LCP2: variants seen among roughly 807,000 people sequenced by gnomAD.
LCP2 encodes the protein 76 kDa tyrosine phosphoprotein.
Under a neutral mutation model 74.5 loss-of-function variants are expected in LCP2, and 29 were observed. That is an observed-to-expected ratio of 0.39 (90% CI 0.29 to 0.53). The LOEUF is 0.53. Ranked by LOEUF, LCP2 falls within the 20% of genes least tolerant of loss-of-function variation. The probability of loss-of-function intolerance (pLI) is 0.72; values close to 1 mark genes in which losing one functional copy is unlikely to be tolerated. For missense variants in LCP2, 604 were observed against 634.6 expected (o/e 0.95, Z 0.52); for synonymous variants, 228 against 229.5 (o/e 0.99, Z 0.06).
At chr5:170,279,106 C>T (rs1230230731) in intron 3 of LCP2, among the ~76,000 whole-genome samples, 2 of 152,138 alleles carry the variant, frequency 1.3e-5, no homozygotes, top group East Asian at 1.9e-4. Flanking sequence ...CCCCTGGCCT[C>T]GCTCAGGACC....
At chr5:170,253,305 A>T in intron 17 of LCP2, 92 bp from the exon 18 acceptor site, 1 of 809,188 alleles carries the variant, frequency 1.2e-6, no homozygotes, top group Non-Finnish European at 2.0e-6. Context: ...ACTCCCCCAA[A>T]AAAATACCCT....
At chr5:170,249,730 T>G (rs1761389895) in intron 20 of LCP2, among the ~76,000 whole-genome samples, 2 of 152,166 alleles carry the variant, frequency 1.3e-5, no homozygotes, top group Non-Finnish European at 2.9e-5. Context: ...CCAGCCTTGA[T>G]TGCTTGCTAG....
At chr5:170,285,265 A>G (rs561985196) in intron 3 of LCP2, among the ~76,000 whole-genome samples, 35 of 152,132 alleles carry the variant, frequency 2.3e-4, no homozygotes, top group South Asian at 2.1e-4. Context: ...CTTATGCCCA[A>G]ATTTAACTTC....
rs115098065 is a variant in LCP2, at chr5:170,256,308, A to G, written c.1150+218T>C. On this transcript the variant is annotated intron_variant, in intron 17 of 20. Coordinates refer to ENST00000046794, the MANE Select transcript of LCP2 (RefSeq NM_005565.5). The surrounding 1 kb of genome is among the most constrained non-coding windows in gnomAD (Gnocchi z 4.5). ...TATGTGCATGTGTGTATGGGCATGT[A>G]TATGTATACGTGTGTGTGTATGTGT... 6.2e-4 allele frequency among the ~76,000 whole-genome samples: 94 copies of G among 152,222 alleles called. No individual in the cohort carries two copies. Among genetic ancestry groups the G allele is most frequent in the African/African-American group, 2.2e-3 (91 of 41,524 alleles).
At chr5:170,264,308 G>T (rs570069526) in intron 10 of LCP2, among the ~76,000 whole-genome samples, 1 of 152,266 alleles carries the variant, frequency 6.6e-6, no homozygotes, top group South Asian at 2.1e-4. Flanking sequence ...TTTCTTCTAC[G>T]TTTTTATTTT....
rs1208069044 is a variant in LCP2, at chr5:170,268,457, G to A, written c.549C>T (p.Pro183=). 1 of 321,518 alleles carries A rather than the reference G, an allele frequency of 3.1e-6. No homozygotes were observed. Among genetic ancestry groups the A allele is most frequent in the Non-Finnish European group, 5.3e-6 (1 of 187,992 alleles). The allele number at this position is 321,518 out of a possible 1,614,324, so 19.9% of individuals were successfully genotyped here. ...YIDRPPSGKT[P]QQPPVPPQRP... The stretch of plus-strand genomic sequence containing the variant: ...TCTGGGGGGGCACAGGAGGCTGCTG[G>A]GGGGTTTTCCCAGAGGGGGGCCGGT... The change falls in exon 8 of 21, where the codon CCC becomes CCT. Residue 183 remains proline (P), a synonymous_variant. Coordinates refer to ENST00000046794, the MANE Select transcript of LCP2 (RefSeq NM_005565.5).
chr5:170,265,298 T>A (rs1223357850), intron 10 of LCP2, among the ~76,000 whole-genome samples: 5 of 152,168 alleles, frequency 3.3e-5, no homozygotes, highest in African/African-American at 1.2e-4. Context: ...AATTTGCCAA[T>A]TTTTGCATAT....
In LCP2 at chr5:170,297,578, C is replaced by T. The variant is rs755056721; in HGVS notation, c.34G>A (p.Val12Ile). ...ALRNVPFRSEVLGWDPDSLAD... is the reference protein window; with the variant it reads ...ALRNVPFRSEILGWDPDSLAD... ...AGGCTGTCGGGGTCCCAGCCCAGGA[C>T]CTCTGAGCGAAAGGGCACATTCCTC... The change falls in exon 1 of 21, where the codon GTC becomes ATC. Residue 12 changes from valine (V) to isoleucine (I), a missense_variant. Transcript: ENST00000046794. 3 of 1,612,924 alleles carry T rather than the reference C, an allele frequency of 1.9e-6. No individual in the cohort carries two copies. The highest frequency in any genetic ancestry group is 1.3e-5 in the African/African-American group (1 of 74,914).
At chr5:170,275,708 G>T in intron 4 of LCP2, 87 bp downstream of exon 4, 1 of 1,165,286 alleles carries the variant, frequency 8.6e-7, no homozygotes, top group Non-Finnish European at 1.3e-6. Context: ...AGATCAAAAA[G>T]TAGGGCAAAA....
intron 1 of LCP2, among the ~76,000 whole-genome samples, 156 bp downstream of exon 1, chr5:170,297,378 G>T (rs374178687): frequency 6.6e-6 from 1 of 152,172 alleles, no homozygotes; most frequent in Non-Finnish European, 1.5e-5. Flanking sequence ...AAAACTCAGC[G>T]GTCTATATGG....
At chr5:170,274,792 TG>T (rs1391831018) in intron 5 of LCP2, among the ~76,000 whole-genome samples, 3 of 151,986 alleles carry the variant, frequency 2.0e-5, no homozygotes, top group African/African-American at 7.2e-5. Context: ...CTGGCTGACA[TG>T]GTGAAACCCC....
At chr5:170,274,473 T>G in intron 5 of LCP2, 135 bp from the exon 6 acceptor site, 1 of 891,582 alleles carries the variant, frequency 1.1e-6, no homozygotes, top group African/African-American at 1.7e-5. Context: ...CCCACACCCC[T>G]GCAGGTTTAG....
In LCP2 at chr5:170,259,457, G is replaced by C. The variant is rs114722983; in HGVS notation, c.958-579C>G. ...ACAACCCTCACCATTTTTATCTTCAGAGCAACCTTGGGAAATTAGACAAGG... is the reference window on the plus strand; with the variant it reads ...ACAACCCTCACCATTTTTATCTTCACAGCAACCTTGGGAAATTAGACAAGG... On this transcript the variant is annotated intron_variant, in intron 14 of 20. Coordinates refer to ENST00000046794, the MANE Select transcript of LCP2 (RefSeq NM_005565.5). 9.5e-3 allele frequency among the ~76,000 whole-genome samples: 1,453 copies of C among 152,188 alleles called. 29 individuals carry two copies. Among genetic ancestry groups the C allele is most frequent in the African/African-American group, 0.033 (1,354 of 41,528 alleles).
Position 170,256,562 on chromosome 5 carries a change from G to A in LCP2, c.1114C>T (p.Pro372Ser), listed in dbSNP as rs1761555642. 1 of 1,612,598 alleles carries A rather than the reference G, an allele frequency of 6.2e-7. No homozygotes were observed. Among genetic ancestry groups the A allele is most frequent in the Non-Finnish European group, 8.5e-7 (1 of 1,178,650 alleles). ...TATGGTGGCAGGGAGGCACTCTGTGGAAAACTGCTGTTACTGAGGAGACAG... is the reference window on the plus strand; with the variant it reads ...TATGGTGGCAGGGAGGCACTCTGTGAAAAACTGCTGTTACTGAGGAGACAG... ...GAFSESNSSF[P>S]QSASLPPYFS... is the part of the protein sequence containing the mutation. The change falls in exon 17 of 21, where the codon CCA (proline) becomes TCA (serine). Residue 372 changes from proline (P) to serine (S), a missense_variant. Pro to Ser is a moderately conservative substitution (Grantham distance 74). Coordinates refer to ENST00000046794, the MANE Select transcript of LCP2 (RefSeq NM_005565.5). This position sits in a 1 kb window ranked among gnomAD's most constrained non-coding sequence, Gnocchi z 4.5.
chr5:170,256,525 C>G lies in LCP2; in HGVS notation c.1150+1G>C. ...ACGTCACAAAAGCCCAGAGTACAAA[C>G]CTTGAGAGAAGTATGGTGGCAGGGA... On this transcript the variant is annotated splice_donor_variant, in intron 17 of 20. Transcript: ENST00000046794. LOFTEE classifies it high-confidence loss of function. This position sits in a 1 kb window ranked among gnomAD's most constrained non-coding sequence, Gnocchi z 4.5. 1 of 1,612,354 alleles carries G rather than the reference C, an allele frequency of 6.2e-7. No individual in the cohort carries two copies. The highest frequency in any genetic ancestry group is 1.7e-5 in the Admixed American group (1 of 60,020).
intron 6 of LCP2, 58 bp from the exon 7 acceptor site, chr5:170,270,975 G>A: frequency 6.9e-7 from 1 of 1,440,452 alleles, no homozygotes; most frequent in Non-Finnish European, 9.4e-7. Flanking sequence ...CCCTCGATGT[G>A]CCTGTGCCTA....
At chr5:170,268,607 C>A (rs366122) in intron 7 of LCP2, 125 bp from the exon 8 acceptor site, 74,064 of 155,728 alleles carry the variant, frequency 0.48, 18,006 homozygotes, top group East Asian at 0.78. Flanking sequence ...CCCACATGAG[C>A]CCCAGCCACG....
chr5:170,254,359 G>A (rs988742474), intron 17 of LCP2, among the ~76,000 whole-genome samples: 3 of 152,144 alleles, frequency 2.0e-5, no homozygotes, highest in Non-Finnish European at 4.4e-5. Context: ...TTGTCACTAC[G>A]TCTACCTTGT....
At chr5:170,270,537 A>G in intron 7 of LCP2, 182 bp downstream of exon 7, 1 of 555,698 alleles carries the variant, frequency 1.8e-6, no homozygotes, top group Non-Finnish European at 3.1e-6. Flanking sequence ...CAGATGAGGA[A>G]ATTGAGGCCC....
Sources: gnomAD v4.1 joint callset for allele counts (sites outside exome capture counted in the v4.1 genomes callset) on GRCh38, gnomAD v4.1.1 for gene constraint, Gnocchi (gnomAD v3.1) non-coding constraint, MANE v1.5 for transcripts, NCBI Gene and HGNC (gene_info 2026-07-23, HGNC 2026-07-21) for gene names.